KAZN: variants seen among roughly 807,000 people sequenced by gnomAD.
The protein encoded by KAZN is kazrin, periplakin interacting protein, also known as kazrin.
KAZN carries 40 observed loss-of-function variants against 87.4 expected under a neutral mutation model. The observed-to-expected ratio is 0.46, with a 90% CI of 0.36 to 0.60. KAZN has a LOEUF of 0.60. Among genes scored for constraint, KAZN ranks in the 20% least tolerant of loss-of-function variants. The pLI, the probability that KAZN is intolerant of heterozygous loss-of-function variation, is 0.00. For missense variants in KAZN, 898 were observed against 1,073.9 expected (o/e 0.84, Z 2.29); for synonymous variants, 466 against 458.3 (o/e 1.02, Z -0.22).
chr1:14,305,939 G>A (rs1654894144), intron 2 of KAZN, among the ~76,000 whole-genome samples: 1 of 152,146 alleles, frequency 6.6e-6, no homozygotes. Context: ...AGCTCTTGAT[G>A]CTTCTGGAAA....
intron 2 of KAZN, among the ~76,000 whole-genome samples, chr1:14,236,570 A>G (rs1648440695): frequency 1.3e-5 from 2 of 152,164 alleles, no homozygotes; most frequent in South Asian, 4.1e-4. Context: ...AGCCCCTTTC[A>G]GGTACTTTCC....
At chr1:14,402,624 T>A (rs1663508953) in intron 2 of KAZN, among the ~76,000 whole-genome samples, 1 of 152,158 alleles carries the variant, frequency 6.6e-6, no homozygotes, top group African/African-American at 2.4e-5. Context: ...TAAATGAAAC[T>A]AGACAAACTG....
chr1:14,146,536 C>CAAAAAAAAAAAAAAAAAAA (rs55928646), intron 1 of KAZN, among the ~76,000 whole-genome samples: 10 of 63,482 alleles, frequency 1.6e-4, no homozygotes, highest in East Asian at 7.4e-4. Flanking sequence ...AACTCCATCT[C>CAAAAAAAAAAAAAAAAAAA]AAAAAAAAAA....
chr1:15,038,009 T>C (rs915737972), intron 3 of KAZN, among the ~76,000 whole-genome samples: 3 of 128,482 alleles, frequency 2.3e-5, no homozygotes, highest in African/African-American at 7.7e-5. Context: ...CCCAGCACTC[T>C]GAGAAGCCAA....
chr1:14,359,391 C>T (rs1004355782), intron 2 of KAZN, among the ~76,000 whole-genome samples: 2 of 152,084 alleles, frequency 1.3e-5, no homozygotes, highest in Admixed American at 1.3e-4. Flanking sequence ...CTTTATCCAA[C>T]TTGCCAGTCT....
intron 1 of KAZN, among the ~76,000 whole-genome samples, chr1:14,163,957 G>C (rs909475700): frequency 6.6e-6 from 1 of 152,144 alleles, no homozygotes; most frequent in African/African-American, 2.4e-5. Flanking sequence ...GGATTCTGCT[G>C]GACATCTTCT....
chr1:14,344,004 T>C (rs1217412903), intron 2 of KAZN, among the ~76,000 whole-genome samples: 1 of 152,184 alleles, frequency 6.6e-6, no homozygotes, highest in Non-Finnish European at 1.5e-5. Flanking sequence ...TCTTGCTAGG[T>C]GATAGATCCA....
chr1:15,076,924 T>C (rs894558503), intron 8 of KAZN, among the ~76,000 whole-genome samples: 6 of 152,196 alleles, frequency 3.9e-5, no homozygotes, highest in Admixed American at 3.3e-4. Flanking sequence ...GCTGGACACT[T>C]ACTCGCCTCA....
intron 2 of KAZN, among the ~76,000 whole-genome samples, chr1:14,977,870 G>C (rs1031755426): frequency 2.0e-5 from 3 of 149,754 alleles, no homozygotes; most frequent in Non-Finnish European, 4.4e-5. Context: ...TGCACCTGCT[G>C]TGGGGTGCAC....
At chr1:14,051,915 C>A (rs907551721) in intron 1 of KAZN, among the ~76,000 whole-genome samples, 2 of 152,158 alleles carry the variant, frequency 1.3e-5, no homozygotes, top group African/African-American at 4.8e-5. Flanking sequence ...ACTTACCATG[C>A]CTGTCCTATG....
chr1:14,281,678 A>G (rs957732699), intron 2 of KAZN, among the ~76,000 whole-genome samples: 8 of 152,172 alleles, frequency 5.3e-5, no homozygotes, highest in African/African-American at 1.9e-4. Context: ...CTGGAGTCCT[A>G]TGTTATTTCA....
intron 1 of KAZN, among the ~76,000 whole-genome samples, chr1:14,633,233 T>C (rs558393756): frequency 6.6e-6 from 1 of 152,098 alleles, no homozygotes; most frequent in South Asian, 2.1e-4. Context: ...CACTTAATAT[T>C]GTCAGATCTT....
intron 1 of KAZN, among the ~76,000 whole-genome samples, chr1:13,949,869 G>A (rs1473316791): frequency 6.6e-6 from 1 of 152,220 alleles, no homozygotes; most frequent in Non-Finnish European, 1.5e-5. Context: ...ACACAGCCGA[G>A]ACACCATCCA....
chr1:14,816,442 G>A (rs1333316484), intron 1 of KAZN, among the ~76,000 whole-genome samples: 1 of 152,100 alleles, frequency 6.6e-6, no homozygotes, highest in Non-Finnish European at 1.5e-5. Context: ...GCAGGTCCCT[G>A]GCATTTTGTT....
intron 1 of KAZN, among the ~76,000 whole-genome samples, chr1:13,994,096 G>C (rs1367294399): frequency 6.6e-6 from 1 of 152,184 alleles, no homozygotes; most frequent in Non-Finnish European, 1.5e-5. Context: ...GGTTTCTAAA[G>C]TAGCCAGGGA....
intron 2 of KAZN, among the ~76,000 whole-genome samples, chr1:14,392,988 T>C (rs1329353160): frequency 3.3e-5 from 5 of 152,142 alleles, no homozygotes; most frequent in African/African-American, 4.8e-5. Context: ...CATGGTGCAG[T>C]GGTCAATAAA....
At chr1:14,670,829 A>C (rs879586252) in intron 1 of KAZN, among the ~76,000 whole-genome samples, 1 of 152,218 alleles carries the variant, frequency 6.6e-6, no homozygotes, top group Admixed American at 6.5e-5. Context: ...CAGGTGCCAC[A>C]CTTTGAACAG....
intron 2 of KAZN, among the ~76,000 whole-genome samples, chr1:14,237,671 G>A (rs139295525): frequency 1.4e-3 from 212 of 152,232 alleles, no homozygotes; most frequent in African/African-American, 4.6e-3. Context: ...GATTATTGAC[G>A]CAGCAAACAT....
chr1:14,890,905 C>T (rs575365924), intron 1 of KAZN, among the ~76,000 whole-genome samples: 218 of 143,760 alleles, frequency 1.5e-3, no homozygotes, highest in African/African-American at 3.4e-3. Context: ...GTGCAGTAGC[C>T]GGATCTCAGC....
Sources: allele counts gnomAD v4.1 joint callset (sites outside exome capture counted in the v4.1 genomes callset), GRCh38; gene constraint gnomAD v4.1.1; transcripts MANE v1.5; gene names NCBI Gene and HGNC (gene_info 2026-07-23, HGNC 2026-07-21).